Variants in CNTNAP4 observed in about 807,000 individuals in gnomAD.
The protein encoded by CNTNAP4 is contactin associated protein family member 4.
In CNTNAP4, 98 loss-of-function variants were observed where a neutral mutation model predicts 148.4. That is an observed-to-expected ratio of 0.66 (90% CI 0.56 to 0.78). The LOEUF (loss-of-function observed/expected upper bound fraction) is 0.78, where lower values mean the gene tolerates loss of function less well. CNTNAP4 is among the 30% of genes least tolerant of loss of function. The probability of loss-of-function intolerance (pLI) is 0.00; values close to 1 mark genes in which losing one functional copy is unlikely to be tolerated. For synonymous variants in CNTNAP4, 730 were observed against 565.1 expected, an observed-to-expected ratio of 1.29 and a Z score of -4.14; for missense variants, 1,935 against 1,565.6, an observed-to-expected ratio of 1.24 and a Z score of -3.98.
chr16:76,445,207 T>A (rs1374834086), intron 4 of CNTNAP4, among the ~76,000 whole-genome samples: 1 of 152,142 alleles, frequency 6.6e-6, no homozygotes, highest in Admixed American at 6.6e-5. Flanking sequence ...GCCTCCTGTT[T>A]CTAGACCTGA....
At chr16:76,343,830 C>T (rs1406185899) in intron 2 of CNTNAP4, among the ~76,000 whole-genome samples, 3 of 151,974 alleles carry the variant, frequency 2.0e-5, no homozygotes, top group East Asian at 1.9e-4. Flanking sequence ...TGTTAGTCCC[C>T]GGCAAAAGTA....
At position 76,363,117 on chromosome 16, in the gene CNTNAP4, A is replaced by C. The variant is rs530843649; in HGVS notation, c.390+7606A>C. ...GTCTCTTCAACAAATGCTACTGGGT[A>C]AACTGGATATCCACATGCAAAACAA... On this transcript the variant is annotated intron_variant, in intron 3 of 23. Transcript: ENST00000611870. Among the ~76,000 whole-genome samples, 351 of 151,478 alleles carry C rather than the reference A, an allele frequency of 2.3e-3. 2 individuals are homozygous for C. Among genetic ancestry groups the C allele is most frequent in the African/African-American group, 8.4e-3 (347 of 41,376 alleles).
At chr16:76,315,830 A>G (rs796065927) in intron 1 of CNTNAP4, among the ~76,000 whole-genome samples, 15 of 152,150 alleles carry the variant, frequency 9.9e-5, no homozygotes, top group African/African-American at 3.6e-4. Flanking sequence ...CCTGACATCC[A>G]GTAATGCACC....
intron 2 of CNTNAP4, among the ~76,000 whole-genome samples, chr16:76,324,922 G>A (rs1162428902): frequency 6.6e-6 from 1 of 152,128 alleles, no homozygotes; most frequent in Non-Finnish European, 1.5e-5. Flanking sequence ...GGGGATTAGG[G>A]CTTCAGCCTG....
intron 8 of CNTNAP4, among the ~76,000 whole-genome samples, chr16:76,454,398 G>A (rs915348109): frequency 6.6e-6 from 1 of 152,094 alleles, no homozygotes; most frequent in African/African-American, 2.4e-5. Context: ...AAGTCTCATA[G>A]AATACCCTGA....
intron 3 of CNTNAP4, among the ~76,000 whole-genome samples, chr16:76,408,327 A>G (rs1404586885): frequency 7.1e-6 from 1 of 140,118 alleles, no homozygotes; most frequent in Non-Finnish European, 1.5e-5. Flanking sequence ...CTTCTTACAT[A>G]GAACTAATTT....
chr16:76,479,611 A>G (rs1049152561), intron 12 of CNTNAP4, 73 bp downstream of exon 12: 1 of 1,495,546 alleles, frequency 6.7e-7, no homozygotes, highest in Non-Finnish European at 9.1e-7. Flanking sequence ...AAAATGAAAT[A>G]AGCAGAATGT....
At chr16:76,455,951 C>A (rs1327221175) in intron 8 of CNTNAP4, among the ~76,000 whole-genome samples, 1 of 152,096 alleles carries the variant, frequency 6.6e-6, no homozygotes. Context: ...TCTTTTTTCT[C>A]CTGCTGTATT....
At chr16:76,535,930 G>A (rs145358685) in intron 18 of CNTNAP4, 146 bp downstream of exon 18, 3 of 794,476 alleles carry the variant, frequency 3.8e-6, no homozygotes, top group African/African-American at 3.5e-5. Context: ...TGTAAAGAAT[G>A]AGTACAAGAT....
intron 1 of CNTNAP4, among the ~76,000 whole-genome samples, chr16:76,286,491 C>G (rs546016536): frequency 6.6e-6 from 1 of 152,144 alleles, no homozygotes; most frequent in Non-Finnish European, 1.5e-5. Context: ...TCTTTATTTT[C>G]TAGGACTCGG....
Position 76,460,773 on chromosome 16 carries a change from A to AAAAAAAAAAAATATATATATAT in CNTNAP4, c.1334-1182_1334-1181insAAAAAAAAAATATATATATATA. On this transcript the variant is annotated intron_variant, in intron 8 of 23. Transcript: ENST00000611870. ...TGTCTCAAAAAAAAAAAAAAAAAAA[A>AAAAAAAAAAAATATATATATAT]ATATATATATATATATATATATTTA... 7.0e-5 allele frequency among the ~76,000 whole-genome samples: 4 copies of AAAAAAAAAAAATATATATATAT among 57,328 alleles called. No individual in the cohort carries two copies. The East Asian group carries it at 1.5e-3, about 22-fold the overall frequency. 37.6% of individuals were successfully genotyped at this position (57,328 alleles called of 152,430 possible). A position where few individuals can be genotyped will look rare whatever the true frequency, so the allele number is the denominator to read the frequency against.
chr16:76,448,829 G>A lies in CNTNAP4; in HGVS notation c.805G>A (p.Asp269Asn). The A allele has an allele frequency of 1.2e-6, 2 of 1,612,684 alleles. No homozygotes were observed. Among genetic ancestry groups the A allele is most frequent in the Non-Finnish European group, 1.7e-6 (2 of 1,179,428 alleles). The change falls in exon 6 of 24, where the codon GAT becomes AAT. Residue 269 changes from aspartate (D) to asparagine (N), a missense_variant. Physicochemically the swap from Asp to Asn is conservative, Grantham distance 23 (BLOSUM62 1). Coordinates refer to ENST00000611870, the MANE Select transcript of CNTNAP4 (RefSeq NM_033401.5). ...TCTCACCCTGGGCAGCCTGCTAGAT[G>A]ATCAGCATTGGCATTCAGTGCTCAT... is the stretch of plus-strand genomic sequence containing the variant. ...VNLTLGSLLDDQHWHSVLIQR... is the reference protein window; with the variant it reads ...VNLTLGSLLDNQHWHSVLIQR...
chr16:76,535,494 C>A (rs529084245), intron 17 of CNTNAP4, 51 bp from the exon 18 acceptor site: 11 of 1,592,728 alleles, frequency 6.9e-6, no homozygotes, highest in Non-Finnish European at 9.4e-6. Flanking sequence ...TCTTTAAACC[C>A]TGAATAAAAC....
At chr16:76,497,698 TG>T (rs2082451674) in intron 14 of CNTNAP4, among the ~76,000 whole-genome samples, 1 of 99,540 alleles carries the variant, frequency 1.0e-5, no homozygotes, top group Non-Finnish European at 2.1e-5. Flanking sequence ...TGTTGGGGAG[TG>T]GGGGGATAGG....
intron 3 of CNTNAP4, among the ~76,000 whole-genome samples, chr16:76,413,894 A>G (rs1485795198): frequency 6.6e-6 from 1 of 151,296 alleles, no homozygotes; most frequent in Non-Finnish European, 1.5e-5. Context: ...TTGCTTTTGT[A>G]TAAATGTTTA....
rs551924260 is a variant in CNTNAP4, at chr16:76,448,912, T to C, written c.888T>C (p.His296=). The C allele has an allele frequency of 6.2e-7, 1 of 1,613,818 alleles. No homozygotes were observed. The highest frequency in any genetic ancestry group is 1.7e-5 in the Admixed American group (1 of 59,996). The change falls in exon 6 of 24, where the codon CAT becomes CAC. Residue 296 remains histidine, a synonymous_variant. Coordinates refer to ENST00000611870, the MANE Select transcript of CNTNAP4 (RefSeq NM_033401.5). ...FTVDEHRHHF[H]ARGEFNLMNL... Reference sequence around the variant, plus strand: ...TGGACGAACACAGGCATCATTTCCATGCACGGGGAGAATTCAATCTCATGA... The same window carrying C: ...TGGACGAACACAGGCATCATTTCCACGCACGGGGAGAATTCAATCTCATGA...
At chr16:76,338,102 A>G (rs2144319827) in intron 2 of CNTNAP4, among the ~76,000 whole-genome samples, 1 of 152,350 alleles carries the variant, frequency 6.6e-6, no homozygotes, top group East Asian at 1.9e-4. Flanking sequence ...TAAAGTAAAG[A>G]CAGACATAAG....
intron 1 of CNTNAP4, among the ~76,000 whole-genome samples, chr16:76,281,064 TA>T (rs1196985476): frequency 6.6e-6 from 1 of 152,040 alleles, no homozygotes; most frequent in African/African-American, 2.4e-5. Flanking sequence ...CTGATGGAAA[TA>T]AAGGCCGTAT....
intron 3 of CNTNAP4, among the ~76,000 whole-genome samples, chr16:76,407,633 G>A (rs890637054): frequency 6.6e-6 from 1 of 152,046 alleles, no homozygotes; most frequent in Non-Finnish European, 1.5e-5. Context: ...CTGAATTGCT[G>A]CAATCTTATA....
Sources: allele counts gnomAD v4.1 joint callset (sites outside exome capture counted in the v4.1 genomes callset), GRCh38; gene constraint gnomAD v4.1.1; transcripts MANE v1.5; gene names NCBI Gene and HGNC (gene_info 2026-07-23, HGNC 2026-07-21).